Variants in GLIS3 observed in about 807,000 individuals in gnomAD.
GLIS3 encodes the protein zinc finger protein GLIS3.
Under a neutral mutation model 78.6 loss-of-function variants are expected in GLIS3, and 53 were observed. The observed-to-expected ratio is 0.67, with a 90% CI of 0.54 to 0.85. The LOEUF (loss-of-function observed/expected upper bound fraction) is 0.85, where lower values mean the gene tolerates loss of function less well. Ranked by LOEUF, GLIS3 falls within the 40% of genes least tolerant of loss-of-function variation. The probability of loss-of-function intolerance (pLI) is 0.00; values close to 1 mark genes in which losing one functional copy is unlikely to be tolerated. For synonymous variants in GLIS3, 684 were observed against 509.9 expected, an observed-to-expected ratio of 1.34 and a Z score of -4.60; for missense variants, 1,703 against 1,231.1, an observed-to-expected ratio of 1.38 and a Z score of -5.74.
intron 2 of GLIS3, among the ~76,000 whole-genome samples, chr9:4,319,027 T>C (rs1217735012): frequency 1.3e-5 from 2 of 152,162 alleles, no homozygotes; most frequent in African/African-American, 4.8e-5. Flanking sequence ...GGAGGGGCAT[T>C]CTGTAAAACA....
At chr9:4,448,781 C>T in the GLIS3 span, among the ~76,000 whole-genome samples, 1 of 152,100 alleles carries the variant, frequency 6.6e-6, no homozygotes, top group African/African-American at 2.4e-5. Flanking sequence ...GAAGGCTATG[C>T]TAAATTTTGT....
rs567677138 is a variant in GLIS3 at position 4,147,345 on chromosome 9, T to C, written c.389-21404A>G. On this transcript the variant is annotated intron_variant, in intron 2 of 10. Coordinates refer to ENST00000381971, the MANE Select transcript of GLIS3 (RefSeq NM_001042413.2). ...CAAAATCATCAGCAAAAGCATCTCA[T>C]GCTTAAATTATTCATGTTCTCAGGC... The C allele has an allele frequency of 3.3e-5, 5 of 152,314 alleles. No individual in the cohort carries two copies. In the South Asian group the frequency reaches 6.2e-4, roughly 19 times the overall value. 9.4% of individuals were successfully genotyped at this position (152,314 alleles called of 1,614,324 possible). A position where few individuals can be genotyped will look rare whatever the true frequency, so the allele number is the denominator to read the frequency against.
At chr9:4,240,197 G>A (rs1357850045) in intron 2 of GLIS3, among the ~76,000 whole-genome samples, 2 of 200 alleles carry the variant, frequency 0.01, no homozygotes, top group African/African-American at 5.5e-3. Flanking sequence ...GGGGGAGGTG[G>A]GGGGGGGGGA....
chr9:4,408,906 G>C, the GLIS3 span, among the ~76,000 whole-genome samples: 2 of 151,760 alleles, frequency 1.3e-5, no homozygotes, highest in African/African-American at 4.8e-5. Context: ...TTTCCATGAT[G>C]GGATTACTAC....
chr9:3,949,727 T>A (rs10115225), intron 4 of GLIS3, among the ~76,000 whole-genome samples: 38,014 of 152,172 alleles, frequency 0.25, 5,604 homozygotes, highest in African/African-American at 0.42. Flanking sequence ...ATTGTCTTTT[T>A]TGGAAAAATA....
chr9:4,228,020 T>C (rs1174426917), intron 2 of GLIS3, among the ~76,000 whole-genome samples: 1 of 152,152 alleles, frequency 6.6e-6, no homozygotes, highest in Non-Finnish European at 1.5e-5. Context: ...TGTATCCATT[T>C]CTCATCCTCA....
At chr9:4,387,113 G>C in the GLIS3 span, among the ~76,000 whole-genome samples, 1 of 152,204 alleles carries the variant, frequency 6.6e-6, no homozygotes, top group Non-Finnish European at 1.5e-5. Context: ...GGCAACTTCA[G>C]GGAGCGGATA....
At position 4,118,190 on chromosome 9, in the gene GLIS3, T is replaced by G. The variant is rs1219575441; in HGVS notation, c.1288A>C (p.Thr430Pro). The G allele has an allele frequency of 6.3e-7, 1 of 1,584,704 alleles. No homozygotes were observed. The highest frequency in any genetic ancestry group is 1.3e-5 in the African/African-American group (1 of 74,400). The change falls in exon 4 of 11, where the codon ACC becomes CCC. Residue 430 changes from threonine (T) to proline (P), a missense_variant. Physicochemically the swap from Thr to Pro is conservative, Grantham distance 38. Coordinates refer to ENST00000381971, the MANE Select transcript of GLIS3 (RefSeq NM_001042413.2). This position sits in a 1 kb window ranked among gnomAD's most constrained non-coding sequence, Gnocchi z 4.7. The part of the protein sequence containing the change: ...PDSQSAGLFK[T>P]ERLEEFPGST... ...CCCGGGAACTCCTCCAGGCGTTCGG[T>G]CTTGAACAGGCCGGCCGACTGGCTG...
At chr9:4,337,143 A>T (rs1338537028) in intron 2 of GLIS3, among the ~76,000 whole-genome samples, 1 of 152,242 alleles carries the variant, frequency 6.6e-6, no homozygotes, top group Non-Finnish European at 1.5e-5. Flanking sequence ...CTTTTCCCGA[A>T]AGTAATTTGG....
intron 4 of GLIS3, among the ~76,000 whole-genome samples, chr9:4,109,305 T>G (rs1186938612): frequency 6.6e-6 from 1 of 152,224 alleles, no homozygotes; most frequent in Non-Finnish European, 1.5e-5. Flanking sequence ...AAGCTACTCA[T>G]ACACAGGATA....
chr9:3,896,602 G>T (rs1822850160), intron 7 of GLIS3, among the ~76,000 whole-genome samples: 1 of 139,692 alleles, frequency 7.2e-6, no homozygotes, highest in Non-Finnish European at 1.5e-5. Flanking sequence ...GGAGGTAGAG[G>T]TTGCAGTGAG....
the GLIS3 span, among the ~76,000 whole-genome samples, chr9:4,353,973 G>A: frequency 6.7e-6 from 1 of 148,466 alleles, no homozygotes; most frequent in Non-Finnish European, 1.5e-5. Context: ...GACTACAGGA[G>A]CACGCCGCCA....
At chr9:4,042,983 C>T (rs528833310) in intron 4 of GLIS3, among the ~76,000 whole-genome samples, 43 of 150,622 alleles carry the variant, frequency 2.9e-4, no homozygotes, top group African/African-American at 9.2e-4. Flanking sequence ...TGAAAAAGAG[C>T]GCAAACCCCA....
chr9:4,050,299 G>C (rs1357396850), intron 4 of GLIS3, among the ~76,000 whole-genome samples: 1 of 152,168 alleles, frequency 6.6e-6, no homozygotes, highest in African/African-American at 2.4e-5. Context: ...CCTTTGCAGG[G>C]ACATGGATGA....
chr9:4,223,020 G>A (rs571850535), intron 2 of GLIS3, among the ~76,000 whole-genome samples: 7 of 152,194 alleles, frequency 4.6e-5, no homozygotes, highest in African/African-American at 1.7e-4. Flanking sequence ...TAGGTAGGCT[G>A]GGATCTTTCC....
At chr9:4,254,034 T>C (rs1300678722) in intron 2 of GLIS3, among the ~76,000 whole-genome samples, 1 of 152,160 alleles carries the variant, frequency 6.6e-6, no homozygotes, top group Non-Finnish European at 1.5e-5. Flanking sequence ...CAGACCTGAG[T>C]TGTTCCTATT....
chr9:3,870,939 G>C (rs572742029), intron 8 of GLIS3, among the ~76,000 whole-genome samples: 1 of 152,174 alleles, frequency 6.6e-6, no homozygotes, highest in Admixed American at 6.5e-5. Flanking sequence ...GACAAGGCAG[G>C]TCTCTTCCAC....
intron 2 of GLIS3, among the ~76,000 whole-genome samples, chr9:4,241,308 TTA>T (rs1823287356): frequency 6.6e-6 from 1 of 152,178 alleles, no homozygotes; most frequent in Admixed American, 6.5e-5. Flanking sequence ...GACTTGTATT[TTA>T]TGTTTTAAAA....
intron 2 of GLIS3, among the ~76,000 whole-genome samples, chr9:4,344,117 C>T (rs1183868878): frequency 6.6e-6 from 1 of 152,180 alleles, no homozygotes; most frequent in African/African-American, 2.4e-5. Context: ...CCATTTCCTA[C>T]CTTAACATAC....
Sources: gnomAD v4.1 joint callset for allele counts (sites outside exome capture counted in the v4.1 genomes callset) on GRCh38, gnomAD v4.1.1 for gene constraint, Gnocchi (gnomAD v3.1) non-coding constraint, MANE v1.5 for transcripts, NCBI Gene and HGNC (gene_info 2026-07-23, HGNC 2026-07-21) for gene names.